Variants in MME observed in about 807,000 individuals in gnomAD.
MME encodes membrane metalloendopeptidase, also known as neprilysin.
Under a neutral mutation model 113.2 loss-of-function variants are expected in MME, and 98 were observed. The observed-to-expected ratio is 0.87, with a 90% CI of 0.74 to 1.02. The LOEUF (loss-of-function observed/expected upper bound fraction) is 1.02. Ranked by LOEUF, MME falls within the 50% of genes least tolerant of loss-of-function variation. The probability of loss-of-function intolerance (pLI) is 0.00; values close to 1 mark genes in which losing one functional copy is unlikely to be tolerated. For synonymous variants in MME, 292 were observed against 300.6 expected (o/e 0.97, Z 0.30); for missense variants, 836 against 896.0 (o/e 0.93, Z 0.86).
intron 3 of MME, among the ~76,000 whole-genome samples, chr3:155,113,240 G>A (rs1212617511): frequency 1.3e-5 from 2 of 152,088 alleles, no homozygotes; most frequent in Non-Finnish European, 2.9e-5. Flanking sequence ...GGAAGGTAGG[G>A]TGATACGTTT....
At chr3:155,036,592 G>A (rs1233567501) in intron 1 of MME, among the ~76,000 whole-genome samples, 2 of 151,962 alleles carry the variant, frequency 1.3e-5, no homozygotes, top group Admixed American at 6.6e-5. Context: ...TATATATTAT[G>A]CATATCAGTA....
At chr3:155,051,050 G>A (rs186475877) in intron 1 of MME, among the ~76,000 whole-genome samples, 152 of 152,210 alleles carry the variant, frequency 1.0e-3, no homozygotes, top group Non-Finnish European at 1.6e-3. Flanking sequence ...TATCTTTGCC[G>A]CTCGTAGAAA....
intron 3 of MME, among the ~76,000 whole-genome samples, chr3:155,107,684 A>G (rs1717805342): frequency 6.6e-6 from 1 of 152,188 alleles, no homozygotes; most frequent in East Asian, 1.9e-4. Context: ...ATTACCCCCA[A>G]ATCACTATTT....
intron 1 of MME, among the ~76,000 whole-genome samples, chr3:155,073,681 T>C (rs1208766856): frequency 6.6e-6 from 1 of 152,162 alleles, no homozygotes; most frequent in African/African-American, 2.4e-5. Flanking sequence ...AGATAATAAA[T>C]GTTTTAGGCT....
rs1259824022 is a variant in MME at position 155,107,363 on chromosome 3, A to C, written c.197-7631A>C. On this transcript the variant is annotated intron_variant, in intron 3 of 22. Coordinates refer to ENST00000360490, the MANE Select transcript of MME (RefSeq NM_007289.4). ...ATGAGACTCTGTCTCAAAAAAAAAA[A>C]AAAAAAAGGAATAGTCAACGGAGGA... 2.6e-5 allele frequency among the ~76,000 whole-genome samples: 4 copies of C among 152,062 alleles called. No homozygotes were observed. In the East Asian group the frequency reaches 5.8e-4, roughly 22 times the overall value.
intron 17 of MME, among the ~76,000 whole-genome samples, chr3:155,162,942 G>A (rs1722818423): frequency 1.3e-5 from 2 of 150,474 alleles, no homozygotes; most frequent in African/African-American, 2.5e-5. Context: ...GAACCCAGGA[G>A]GCAGAGGTTG....
chr3:155,169,058 G>A (rs78698459), intron 20 of MME, among the ~76,000 whole-genome samples: 128 of 152,198 alleles, frequency 8.4e-4, no homozygotes, highest in African/African-American at 2.9e-3. Context: ...GCTGAAATGA[G>A]GAGAGAGCAG....
intron 3 of MME, among the ~76,000 whole-genome samples, chr3:155,088,860 A>G (rs1716025614): frequency 6.6e-6 from 1 of 152,154 alleles, no homozygotes; most frequent in Admixed American, 6.5e-5. Flanking sequence ...CTTACATTAT[A>G]TGAAAGATGG....
At chr3:155,136,071 A>G (rs1720606213) in intron 8 of MME, among the ~76,000 whole-genome samples, 1 of 152,198 alleles carries the variant, frequency 6.6e-6, no homozygotes, top group Non-Finnish European at 1.5e-5. Flanking sequence ...TAGGTATAGA[A>G]TCATATCATT....
chr3:155,041,995 T>C (rs1713338590), intron 1 of MME, among the ~76,000 whole-genome samples: 1 of 152,182 alleles, frequency 6.6e-6, no homozygotes, highest in African/African-American at 2.4e-5. Flanking sequence ...TTTCTTGAGA[T>C]CGAACTTTGT....
chr3:155,170,072 G>A (rs1711750439), intron 20 of MME, among the ~76,000 whole-genome samples: 1 of 152,062 alleles, frequency 6.6e-6, no homozygotes, highest in South Asian at 2.1e-4. Flanking sequence ...TTGAGATGGA[G>A]TCTCATTCTG....
At chr3:155,082,800 TC>T (rs1715271761) in intron 1 of MME, among the ~76,000 whole-genome samples, 1 of 152,208 alleles carries the variant, frequency 6.6e-6, no homozygotes, top group Non-Finnish European at 1.5e-5. Context: ...TTTCTAGTTT[TC>T]TGCTGGGTCT....
At chr3:155,079,624 A>AGGGGGGGGGGG (rs1559902583), upstream of MME, 2 of 1,910 alleles carry the variant, frequency 1.0e-3, no homozygotes, top group South Asian at 7.6e-3. Flanking sequence ...GAGGCGGGGT[A>AGGGGGGGGGGG]GGGGGTGGGG....
At chr3:155,133,119 T>C (rs1330392559) in intron 8 of MME, among the ~76,000 whole-genome samples, 17 of 145,068 alleles carry the variant, frequency 1.2e-4, no homozygotes, top group Non-Finnish European at 2.3e-4. Context: ...ATTATCATCA[T>C]TTCACATTTT....
rs57585504 is a variant in MME at position 155,042,940 on chromosome 3, G to GTATATATA, written c.-11+18628_-11+18635dup. 4.2e-3 allele frequency among the ~76,000 whole-genome samples: 225 copies of GTATATATA among 53,558 alleles called. 4 individuals carry two copies. The highest frequency in any genetic ancestry group is 4.5e-3 in the Non-Finnish European group (138 of 30,482). The allele number at this position is 53,558 out of a possible 152,430, so 35.1% of individuals were successfully genotyped here. ...TATATATATATATATATATATATAT[G>GTATATATA]TATATATATATATATATATCACATT... On this transcript the variant is annotated intron_variant, in intron 1 of 22. Transcript: ENST00000492661.
chr3:155,100,208 A>T (rs548141042), intron 3 of MME, among the ~76,000 whole-genome samples: 1 of 152,364 alleles, frequency 6.6e-6, no homozygotes, highest in Admixed American at 6.5e-5. Flanking sequence ...TTTACAAGAA[A>T]AAAACAAGCA....
upstream of MME, among the ~76,000 whole-genome samples, chr3:155,076,056 C>T (rs1269824844): frequency 6.6e-6 from 1 of 152,152 alleles, no homozygotes; most frequent in Non-Finnish European, 1.5e-5. Context: ...CCTTTGGTTA[C>T]AGTCAGTGGT....
At chr3:155,170,076 C>T (rs1383824264) in intron 20 of MME, among the ~76,000 whole-genome samples, 1 of 152,100 alleles carries the variant, frequency 6.6e-6, no homozygotes, top group Non-Finnish European at 1.5e-5. Flanking sequence ...GATGGAGTCT[C>T]ATTCTGTCGC....
chr3:155,028,446 G>T (rs978417463), intron 1 of MME, among the ~76,000 whole-genome samples: 40 of 152,182 alleles, frequency 2.6e-4, no homozygotes, highest in Non-Finnish European at 5.9e-4. Context: ...AAAGGCAGGA[G>T]GCAATGTGGC....
Sources: gnomAD v4.1 joint callset for allele counts (sites outside exome capture counted in the v4.1 genomes callset) on GRCh38, gnomAD v4.1.1 for gene constraint, MANE v1.5 for transcripts, NCBI Gene and HGNC (gene_info 2026-07-23, HGNC 2026-07-21) for gene names.